The following ST3GAL3 variants were observed in gnomAD, a reference collection of about 807,000 sequenced individuals.
ST3GAL3 encodes the protein CMP-N-acetylneuraminate-beta-1,4-galactoside alpha-2,3-sialyltransferase.
ST3GAL3 carries 21 observed loss-of-function variants against 50.1 expected under a neutral mutation model. The ratio of observed to expected loss-of-function variants is 0.42; its 90% CI spans 0.30 to 0.60. The LOEUF is 0.60. Among genes scored for constraint, ST3GAL3 ranks in the 20% least tolerant of loss-of-function variants. ST3GAL3 has a pLI of 0.19. For missense variants in ST3GAL3, 353 were observed against 489.4 expected, an observed-to-expected ratio of 0.72 and a Z score of 2.63; for synonymous variants, 183 against 190.0, an observed-to-expected ratio of 0.96 and a Z score of 0.30.
chr1:43,729,529 C>A (rs1387165915), intron 1 of ST3GAL3, among the ~76,000 whole-genome samples: 1 of 152,162 alleles, frequency 6.6e-6, no homozygotes, highest in Non-Finnish European at 1.5e-5. Flanking sequence ...ATTTACTTAT[C>A]TGGTCAATCC....
chr1:43,823,317 A>G (rs2062348125), intron 4 of ST3GAL3, among the ~76,000 whole-genome samples: 1 of 151,894 alleles, frequency 6.6e-6, no homozygotes, highest in African/African-American at 2.4e-5. Context: ...CATGGTCCAC[A>G]CCTTCGTTTC....
intron 5 of ST3GAL3, among the ~76,000 whole-genome samples, chr1:43,885,614 A>G (rs2075860049): frequency 6.6e-6 from 1 of 152,222 alleles, no homozygotes; most frequent in Admixed American, 6.5e-5. Context: ...CCAAACTGGC[A>G]CACTGGTCTG....
chr1:43,825,848 C>T (rs1221497936), intron 4 of ST3GAL3, among the ~76,000 whole-genome samples: 2 of 151,958 alleles, frequency 1.3e-5, no homozygotes, highest in African/African-American at 4.8e-5. Flanking sequence ...CAGAGAAAAT[C>T]AACAAAACAA....
chr1:43,785,977 C>T (rs1362181421), intron 2 of ST3GAL3, among the ~76,000 whole-genome samples: 1 of 152,168 alleles, frequency 6.6e-6, no homozygotes, highest in Non-Finnish European at 1.5e-5. Context: ...TCACTCATGT[C>T]CCATCAGTCA....
intron 3 of ST3GAL3, among the ~76,000 whole-genome samples, chr1:43,796,998 A>G (rs1352747706): frequency 6.6e-6 from 1 of 152,238 alleles, no homozygotes; most frequent in African/African-American, 2.4e-5. Flanking sequence ...AGCCTGGGCA[A>G]CATTGCAGAG....
intron 4 of ST3GAL3, among the ~76,000 whole-genome samples, chr1:43,825,117 C>T (rs1436024517): frequency 2.0e-5 from 3 of 152,166 alleles, no homozygotes; most frequent in African/African-American, 7.2e-5. Flanking sequence ...TTTAAACATT[C>T]TCCCAGATTA....
intron 3 of ST3GAL3, among the ~76,000 whole-genome samples, chr1:43,794,111 A>G (rs1287911417): frequency 6.6e-6 from 1 of 151,990 alleles, no homozygotes; most frequent in Non-Finnish European, 1.5e-5. Flanking sequence ...AAAGAAGGAA[A>G]AAAGAGAGAG....
chr1:43,786,403 C>G (rs1368407129), intron 2 of ST3GAL3, among the ~76,000 whole-genome samples: 2 of 152,188 alleles, frequency 1.3e-5, no homozygotes, highest in African/African-American at 4.8e-5. Context: ...CAACACTGAC[C>G]TTCTGACTTC....
intron 3 of ST3GAL3, among the ~76,000 whole-genome samples, chr1:43,792,801 A>G (rs1183323198): frequency 6.6e-6 from 1 of 152,214 alleles, no homozygotes; most frequent in African/African-American, 2.4e-5. Context: ...CCTGTTCCAC[A>G]TCACTGTGCC....
chr1:43,805,474 G>A (rs1232092538), intron 3 of ST3GAL3, among the ~76,000 whole-genome samples: 1 of 152,190 alleles, frequency 6.6e-6, no homozygotes, highest in Non-Finnish European at 1.5e-5. Context: ...GTTCTGGAAG[G>A]GCTGGAGAGC....
chr1:43,709,288 G>A (rs1324161102), intron 1 of ST3GAL3: 1 of 152,256 alleles, frequency 6.6e-6, no homozygotes, highest in East Asian at 1.9e-4. Flanking sequence ...CCTTTGTCCT[G>A]TGTGGTGCAA....
chr1:43,844,295 G>A (rs1314375115), intron 5 of ST3GAL3, among the ~76,000 whole-genome samples: 4 of 152,168 alleles, frequency 2.6e-5, no homozygotes, highest in African/African-American at 7.2e-5. Flanking sequence ...AGGTCAGAGG[G>A]TGAGACTGAA....
intron 1 of ST3GAL3, among the ~76,000 whole-genome samples, chr1:43,713,409 A>T (rs1432824511): frequency 6.6e-6 from 1 of 152,102 alleles, no homozygotes; most frequent in Non-Finnish European, 1.5e-5. Context: ...TACAAGTAAT[A>T]GTTTAATAAT....
intron 2 of ST3GAL3, among the ~76,000 whole-genome samples, chr1:43,783,748 C>T (rs755499352): frequency 1.3e-5 from 2 of 152,086 alleles, no homozygotes; most frequent in Non-Finnish European, 2.9e-5. Flanking sequence ...CCCCACCCCC[C>T]GCAGTCTTAG....
At chr1:43,731,777 CCA>C (rs1214182757) in intron 1 of ST3GAL3, among the ~76,000 whole-genome samples, 7 of 151,774 alleles carry the variant, frequency 4.6e-5, no homozygotes, top group Non-Finnish European at 1.0e-4. Flanking sequence ...CGTGATCCAC[CCA>C]CCTTGGCCTC....
chr1:43,882,984 C>T (rs2075402909), intron 5 of ST3GAL3, among the ~76,000 whole-genome samples: 1 of 56,954 alleles, frequency 1.8e-5, no homozygotes, highest in African/African-American at 3.6e-5. Flanking sequence ...TATTTAGAGA[C>T]AGGCTCTCAC....
chr1:43,907,194 C>T (rs1479795772), intron 9 of ST3GAL3, among the ~76,000 whole-genome samples: 1 of 152,208 alleles, frequency 6.6e-6, no homozygotes, highest in Non-Finnish European at 1.5e-5. Context: ...GAAGGTGTTT[C>T]ACTTTAACCA....
At chr1:43,812,355 T>G (rs1315667373) in intron 3 of ST3GAL3, among the ~76,000 whole-genome samples, 1 of 152,216 alleles carries the variant, frequency 6.6e-6, no homozygotes, top group African/African-American at 2.4e-5. Flanking sequence ...CCAGATGGAC[T>G]CAGTTCCCTC....
chr1:43,862,239 C>G (rs1251525024), intron 5 of ST3GAL3, among the ~76,000 whole-genome samples: 1 of 152,142 alleles, frequency 6.6e-6, no homozygotes, highest in Non-Finnish European at 1.5e-5. Flanking sequence ...ACATTCTCCA[C>G]CTTTAAAACT....
Sources: allele counts gnomAD v4.1 joint callset (sites outside exome capture counted in the v4.1 genomes callset), GRCh38; gene constraint gnomAD v4.1.1; transcripts MANE v1.5; gene names NCBI Gene and HGNC (gene_info 2026-07-23, HGNC 2026-07-21).